Variants in NRXN3 observed in about 807,000 individuals in gnomAD.
The protein encoded by NRXN3 is neurexin III.
A neutral mutation model predicts 137.6 loss-of-function variants in NRXN3; 32 were observed. That is an observed-to-expected ratio of 0.23 (90% CI 0.18 to 0.31). NRXN3 has a LOEUF of 0.31. Among genes scored for constraint, NRXN3 ranks in the 10% least tolerant of loss-of-function variants. NRXN3 has a pLI of 1.00. For synonymous variants in NRXN3, 798 were observed against 784.5 expected, an observed-to-expected ratio of 1.02 and a Z score of -0.29; for missense variants, 1,574 against 2,062.5, an observed-to-expected ratio of 0.76 and a Z score of 4.59.
intron 15 of NRXN3, among the ~76,000 whole-genome samples, chr14:79,296,826 A>G (rs2084247972): frequency 2.0e-5 from 3 of 152,192 alleles, no homozygotes; most frequent in South Asian, 2.1e-4. Flanking sequence ...TAAATAAATA[A>G]ATTAAGCCTC....
intron 3 of NRXN3, among the ~76,000 whole-genome samples, chr14:78,296,315 T>C (rs188377526): frequency 1.2e-3 from 179 of 152,268 alleles, no homozygotes; most frequent in African/African-American, 4.0e-3. Context: ...ATTCTCCTGC[T>C]TTGGTCTCCC....
intron 19 of NRXN3, among the ~76,000 whole-genome samples, chr14:79,786,897 A>G (rs1171831608): frequency 6.6e-6 from 1 of 152,214 alleles, no homozygotes; most frequent in Admixed American, 6.5e-5. Context: ...TTCTTTACAT[A>G]AAGAATTCCA....
At chr14:79,239,620 C>T (rs2073956784) in intron 15 of NRXN3, among the ~76,000 whole-genome samples, 1 of 152,036 alleles carries the variant, frequency 6.6e-6, no homozygotes, top group Admixed American at 6.6e-5. Context: ...AAAAATAGAA[C>T]TCCCATATGA....
chr14:79,043,448 C>T (rs1252259636), intron 15 of NRXN3, among the ~76,000 whole-genome samples: 1 of 152,162 alleles, frequency 6.6e-6, no homozygotes, highest in African/African-American at 2.4e-5. Flanking sequence ...TTGCACTCTG[C>T]CTCTTTATTC....
At chr14:78,787,185 A>G (rs2098791659) in intron 8 of NRXN3, among the ~76,000 whole-genome samples, 1 of 152,164 alleles carries the variant, frequency 6.6e-6, no homozygotes, top group Non-Finnish European at 1.5e-5. Context: ...TATGTATAGA[A>G]TTGAGGTTTG....
At chr14:79,537,533 A>G (rs1235240242) in intron 16 of NRXN3, among the ~76,000 whole-genome samples, 1 of 151,968 alleles carries the variant, frequency 6.6e-6, no homozygotes, top group Non-Finnish European at 1.5e-5. Flanking sequence ...GAGTGACAAC[A>G]TGCAGTGTTT....
At chr14:79,656,559 G>A (rs2098506723) in intron 16 of NRXN3, among the ~76,000 whole-genome samples, 1 of 151,104 alleles carries the variant, frequency 6.6e-6, no homozygotes, top group Non-Finnish European at 1.5e-5. Flanking sequence ...CTTGCTTCTC[G>A]CCTTTTCAGG....
intron 6 of NRXN3, among the ~76,000 whole-genome samples, chr14:78,698,455 C>A (rs78523386): frequency 2.1e-4 from 32 of 152,136 alleles, no homozygotes; most frequent in Non-Finnish European, 3.1e-4. Context: ...CCAAAGGCCT[C>A]ATTGTTGGAG....
chr14:79,177,887 G>A (rs1009912847), intron 15 of NRXN3, among the ~76,000 whole-genome samples: 2 of 152,162 alleles, frequency 1.3e-5, no homozygotes, highest in African/African-American at 4.8e-5. Context: ...GAATATAAAA[G>A]ATCATGATAA....
At chr14:78,820,809 T>G (rs1015378042) in intron 10 of NRXN3, among the ~76,000 whole-genome samples, 11 of 152,152 alleles carry the variant, frequency 7.2e-5, no homozygotes, top group African/African-American at 2.7e-4. Flanking sequence ...AGTATTAAAA[T>G]GTGTATGTGT....
chr14:79,317,172 C>G (rs1314983623), intron 15 of NRXN3, among the ~76,000 whole-genome samples: 3 of 152,008 alleles, frequency 2.0e-5, no homozygotes, highest in Non-Finnish European at 4.4e-5. Flanking sequence ...GTGGAGGTTG[C>G]AGTGAGCTGA....
Position 78,727,940 on chromosome 14 carries a change from A to C in NRXN3, c.2044+12801A>C, listed in dbSNP as rs181519763. Among the ~76,000 whole-genome samples, 36 of 152,352 alleles carry C rather than the reference A, an allele frequency of 2.4e-4. No homozygotes were observed. In the East Asian group the frequency reaches 5.0e-3, roughly 21 times the overall value. On this transcript the variant is annotated intron_variant, in intron 8 of 20. Transcript: ENST00000335750. ...AGTGTCAGCTGACACAAAATCATTG[A>C]ATGCTACAGCTGGGCAGGGCCTTAA...
chr14:79,253,032 A>C (rs1380122253), intron 15 of NRXN3, among the ~76,000 whole-genome samples: 1 of 152,174 alleles, frequency 6.6e-6, no homozygotes, highest in African/African-American at 2.4e-5. Flanking sequence ...GCCATGGATG[A>C]AGGTACAACA....
intron 4 of NRXN3, among the ~76,000 whole-genome samples, chr14:78,476,824 T>G (rs1045338147): frequency 5.3e-5 from 8 of 152,254 alleles, no homozygotes; most frequent in African/African-American, 1.2e-4. Flanking sequence ...TGTTGATTCA[T>G]GTAGTAACTG....
intron 15 of NRXN3, among the ~76,000 whole-genome samples, chr14:79,287,251 A>G (rs1394971077): frequency 6.6e-6 from 1 of 152,220 alleles, no homozygotes; most frequent in African/African-American, 2.4e-5. Context: ...AGCATGGGAC[A>G]AAAGTCAGCT....
At chr14:78,501,671 A>T (rs74624833) in intron 4 of NRXN3, among the ~76,000 whole-genome samples, 1,767 of 152,226 alleles carry the variant, frequency 0.012, 38 homozygotes, top group African/African-American at 0.041. Context: ...GGACATTTCA[A>T]TTCTGGAAGG....
intron 15 of NRXN3, among the ~76,000 whole-genome samples, chr14:79,150,831 C>T (rs971094388): frequency 1.5e-4 from 23 of 151,914 alleles, no homozygotes; most frequent in Non-Finnish European, 1.9e-4. Flanking sequence ...TGATTTGAAA[C>T]CAATGGTCAC....
intron 20 of NRXN3, among the ~76,000 whole-genome samples, chr14:79,835,521 A>G (rs1568405261): frequency 2.0e-5 from 3 of 152,006 alleles, no homozygotes; most frequent in Non-Finnish European, 2.9e-5. Flanking sequence ...TTTGATTTCC[A>G]TTTCTCCATA....
At chr14:78,656,014 A>G (rs2097781963) in intron 6 of NRXN3, among the ~76,000 whole-genome samples, 1 of 152,156 alleles carries the variant, frequency 6.6e-6, no homozygotes, top group Non-Finnish European at 1.5e-5. Context: ...CCTGACCTTC[A>G]TGACCTCCCA....
Sources: gnomAD v4.1 joint callset for allele counts (sites outside exome capture counted in the v4.1 genomes callset) on GRCh38, gnomAD v4.1.1 for gene constraint, MANE v1.5 for transcripts, NCBI Gene and HGNC (gene_info 2026-07-23, HGNC 2026-07-21) for gene names.